Variants in SASH1 observed in about 807,000 individuals in gnomAD.
SASH1 encodes SAM and SH3 domain-containing protein 1.
A neutral mutation model predicts 125.2 loss-of-function variants in SASH1; 44 were observed. The ratio of observed to expected loss-of-function variants is 0.35; its 90% CI spans 0.28 to 0.45. SASH1 has a LOEUF of 0.45. Among genes scored for constraint, SASH1 ranks in the 20% least tolerant of loss-of-function variants. The pLI is 1.00. For synonymous variants in SASH1, 639 were observed against 649.1 expected (o/e 0.98, Z 0.24); for missense variants, 1,426 against 1,614.5 (o/e 0.88, Z 2.00).
At chr6:148,200,469 T>C in the SASH1 span, among the ~76,000 whole-genome samples, 1 of 152,188 alleles carries the variant, frequency 6.6e-6, no homozygotes, top group Non-Finnish European at 1.5e-5. Flanking sequence ...TGATGTGGCT[T>C]CGGCGACCTC....
intron 1 of SASH1, among the ~76,000 whole-genome samples, chr6:148,377,195 C>CAA (rs371487493): frequency 0.062 from 7,569 of 121,714 alleles, 297 homozygotes; most frequent in South Asian, 0.17. Context: ...AAAAAAAAAA[C>CAA]AAAAAAAAAA....
Position 148,349,323 on chromosome 6 carries a change from C to T in SASH1, c.156+6100C>T, listed in dbSNP as rs1210296291. Among the ~76,000 whole-genome samples, 11 of 123,838 alleles carry T rather than the reference C, an allele frequency of 8.9e-5. No homozygotes were observed. In the South Asian group the frequency reaches 1.8e-3, roughly 21 times the overall value. The allele number at this position is 123,838 out of a possible 152,430, so 81.2% of individuals were successfully genotyped here. A position where few individuals can be genotyped will look rare whatever the true frequency, so the allele number is the denominator to read the frequency against. On this transcript the variant is annotated intron_variant, in intron 1 of 19. Transcript: ENST00000367467. ...GTTGCCCAGGCTGGAGTTACAGTGG[C>T]GCGATCTCGGCTCACTGCAACCCTC...
At chr6:148,432,123 G>C (rs771706587) in intron 2 of SASH1, among the ~76,000 whole-genome samples, 21 of 152,028 alleles carry the variant, frequency 1.4e-4, no homozygotes, top group Non-Finnish European at 2.2e-4. Flanking sequence ...TTACAGGCCT[G>C]TGCCACCACG....
chr6:148,439,809 T>A (rs1483868815), intron 2 of SASH1, among the ~76,000 whole-genome samples: 2 of 151,898 alleles, frequency 1.3e-5, no homozygotes. Flanking sequence ...AAGTCTAGTG[T>A]CGTTGGAAAA....
At chr6:148,340,221 A>T (rs1781280708), upstream of SASH1, among the ~76,000 whole-genome samples, 1 of 152,150 alleles carries the variant, frequency 6.6e-6, no homozygotes, top group Non-Finnish European at 1.5e-5. Flanking sequence ...ACGGTGGCTC[A>T]TGCCTGTAAT....
chr6:148,286,223 A>C (rs1412839927), intron 1 of SASH1, among the ~76,000 whole-genome samples: 1 of 152,092 alleles, frequency 6.6e-6, no homozygotes, highest in Non-Finnish European at 1.5e-5. Flanking sequence ...TCTAAAAAAA[A>C]AAATAAAATA....
chr6:148,546,472 C>T (rs1321152265), intron 19 of SASH1, among the ~76,000 whole-genome samples: 6 of 152,012 alleles, frequency 3.9e-5, no homozygotes, highest in Non-Finnish European at 5.9e-5. Context: ...ATTTTGATGC[C>T]GGCCTGGGCA....
the SASH1 span, among the ~76,000 whole-genome samples, chr6:148,201,081 G>A: frequency 6.6e-6 from 1 of 152,150 alleles, no homozygotes; most frequent in African/African-American, 2.4e-5. Flanking sequence ...AGCTGTAAAT[G>A]AGAGATAAAA....
intron 16 of SASH1, among the ~76,000 whole-genome samples, chr6:148,535,748 T>C (rs1471567858): frequency 2.0e-5 from 3 of 152,238 alleles, no homozygotes; most frequent in Admixed American, 6.5e-5. Context: ...ATTCCTGAAA[T>C]CATTCATCTT....
chr6:148,297,169 T>C (rs887346993), intron 1 of SASH1, among the ~76,000 whole-genome samples: 1 of 152,206 alleles, frequency 6.6e-6, no homozygotes, highest in Non-Finnish European at 1.5e-5. Context: ...ACTCTGGGCA[T>C]GGTGCACGCT....
the SASH1 span, among the ~76,000 whole-genome samples, chr6:148,235,602 G>A: frequency 6.6e-6 from 1 of 152,170 alleles, no homozygotes; most frequent in South Asian, 2.1e-4. Context: ...GGAGCCCTAT[G>A]GTTGGCTCTT....
chr6:148,525,484 T>G, intron 11 of SASH1, 119 bp downstream of exon 11: 1 of 837,468 alleles, frequency 1.2e-6, no homozygotes, highest in South Asian at 1.5e-5. Context: ...TAATCCTGAG[T>G]CACGTTTGGA....
At chr6:148,415,278 GGGGCCT>G (rs1207060071) in intron 2 of SASH1, among the ~76,000 whole-genome samples, 1 of 152,150 alleles carries the variant, frequency 6.6e-6, no homozygotes, top group Non-Finnish European at 1.5e-5. Context: ...TTACTCTAAA[GGGGCCT>G]GGGCACTGAT....
intron 2 of SASH1, among the ~76,000 whole-genome samples, chr6:148,426,157 C>T (rs965705111): frequency 2.6e-5 from 4 of 151,926 alleles, no homozygotes; most frequent in South Asian, 2.1e-4. Context: ...TGCAGTGAGC[C>T]GAGATCGTGC....
At chr6:148,342,566 G>C (rs1781361939), upstream of SASH1, 1 of 152,172 alleles carries the variant, frequency 6.6e-6, no homozygotes, top group Non-Finnish European at 1.5e-5. Flanking sequence ...CCTCGAGGGA[G>C]AGAGTCATGT....
intron 1 of SASH1, among the ~76,000 whole-genome samples, chr6:148,318,149 C>A (rs1780528710): frequency 2.0e-5 from 3 of 152,166 alleles, no homozygotes. Flanking sequence ...CTTTCATTCA[C>A]CAGACCAATT....
chr6:148,411,526 A>C (rs1034338572), intron 2 of SASH1, among the ~76,000 whole-genome samples: 6 of 151,970 alleles, frequency 3.9e-5, no homozygotes, highest in African/African-American at 1.4e-4. Flanking sequence ...AAACTTGATG[A>C]ATTTTTATTT....
Position 148,408,072 on chromosome 6 carries a change from C to T in SASH1, c.285+17810C>T, listed in dbSNP as rs191820346. Among the ~76,000 whole-genome samples, 253 of 151,022 alleles carry T rather than the reference C, an allele frequency of 1.7e-3. 2 individuals carry two copies. The highest frequency in any genetic ancestry group is 5.9e-3 in the African/African-American group (241 of 41,182). On this transcript the variant is annotated intron_variant, in intron 2 of 19. Transcript: ENST00000367467. ...TTTTGATAATAACTATCCTAATGGACATAAAATGGTATCTCATTATGGTTT... is the reference window on the plus strand; with the variant it reads ...TTTTGATAATAACTATCCTAATGGATATAAAATGGTATCTCATTATGGTTT...
At chr6:148,267,365 T>TTGTGTGTGTGTGTGTGTGTG (rs200228547), upstream of SASH1, among the ~76,000 whole-genome samples, 7,516 of 129,718 alleles carry the variant, frequency 0.058, 382 homozygotes, top group Middle Eastern at 0.11. Context: ...CAGTACTACT[T>TTGTGTGTGTGTGTGTGTGTG]TGTGTGTGTG....
Sources: gnomAD v4.1 joint callset for allele counts (sites outside exome capture counted in the v4.1 genomes callset) on GRCh38, gnomAD v4.1.1 for gene constraint, MANE v1.5 for transcripts, NCBI Gene and HGNC (gene_info 2026-07-23, HGNC 2026-07-21) for gene names.